Variants in ICA1 observed in about 807,000 individuals in gnomAD.
ICA1 encodes the protein 69 kDa islet cell autoantigen.
ICA1 carries 40 observed loss-of-function variants against 71.0 expected under a neutral mutation model. The ratio of observed to expected loss-of-function variants is 0.56; its 90% CI spans 0.44 to 0.73. The LOEUF (loss-of-function observed/expected upper bound fraction) is 0.73. ICA1 is among the 30% of genes least tolerant of loss of function. The pLI is 0.00. For missense variants in ICA1, 578 were observed against 576.5 expected (o/e 1.00, Z -0.03); for synonymous variants, 207 against 209.5 (o/e 0.99, Z 0.10).
chr7:8,237,505 T>C (rs766525693), intron 1 of ICA1, among the ~76,000 whole-genome samples: 2 of 152,182 alleles, frequency 1.3e-5, no homozygotes, highest in Non-Finnish European at 2.9e-5. Flanking sequence ...ATAGTAGTGC[T>C]AACAATATAC....
At chr7:8,186,186 G>A (rs1031155192) in intron 6 of ICA1, among the ~76,000 whole-genome samples, 15 of 152,194 alleles carry the variant, frequency 9.9e-5, no homozygotes, top group Admixed American at 2.0e-4. Context: ...AGGAGACAGG[G>A]AATCCTGGGA....
Position 8,163,775 on chromosome 7 carries a change from A to T in ICA1, c.580-5123T>A, listed in dbSNP as rs972628306. On this transcript the variant is annotated intron_variant, in intron 6 of 13. Transcript: ENST00000402384. ...CAGGTCCTAGAGCTGAGAGTAGGTC[A>T]GTGTAGCTGCGTTGCTCAGAACGAG... 2.0e-5 allele frequency among the ~76,000 whole-genome samples: 3 copies of T among 152,274 alleles called. No homozygotes were observed. The South Asian group carries it at 6.2e-4, about 32-fold the overall frequency.
intron 13 of ICA1, among the ~76,000 whole-genome samples, chr7:8,125,601 G>A (rs192347445): frequency 2.6e-4 from 39 of 152,170 alleles, no homozygotes; most frequent in African/African-American, 8.7e-4. Flanking sequence ...CCTACTATGC[G>A]ATTTGCTTAT....
intron 6 of ICA1, among the ~76,000 whole-genome samples, chr7:8,177,630 C>T (rs1021831563): frequency 6.6e-6 from 1 of 152,104 alleles, no homozygotes; most frequent in Non-Finnish European, 1.5e-5. Context: ...TTGCTTCTGT[C>T]TCTTGGCTGC....
intron 13 of ICA1, among the ~76,000 whole-genome samples, chr7:8,119,912 A>T (rs1786210565): frequency 1.3e-5 from 2 of 152,246 alleles, no homozygotes; most frequent in African/African-American, 4.8e-5. Flanking sequence ...GATTTAAAAG[A>T]TGATAATGGC....
At chr7:8,209,137 A>G (rs958811415) in intron 6 of ICA1, among the ~76,000 whole-genome samples, 1 of 152,230 alleles carries the variant, frequency 6.6e-6, no homozygotes, top group African/African-American at 2.4e-5. Context: ...ATGAGTTCAC[A>G]GATAATTCAC....
At chr7:8,117,257 C>T (rs1340626651) in intron 13 of ICA1, among the ~76,000 whole-genome samples, 2 of 152,158 alleles carry the variant, frequency 1.3e-5, no homozygotes, top group African/African-American at 4.8e-5. Context: ...TTGGGCAGTT[C>T]TTTATATTAA....
At chr7:8,177,445 C>G (rs1057180213) in intron 6 of ICA1, among the ~76,000 whole-genome samples, 2 of 152,122 alleles carry the variant, frequency 1.3e-5, no homozygotes, top group Non-Finnish European at 2.9e-5. Context: ...CAAGACTGAG[C>G]CCAGGGCACC....
At chr7:8,203,687 T>C (rs1417168028) in intron 6 of ICA1, among the ~76,000 whole-genome samples, 7 of 152,236 alleles carry the variant, frequency 4.6e-5, no homozygotes, top group African/African-American at 1.7e-4. Flanking sequence ...TGAGTTGAGA[T>C]GTTCTTCACT....
intron 1 of ICA1, among the ~76,000 whole-genome samples, chr7:8,255,779 C>CTTTTTTTTTTTTTTTTTTTT (rs573673718): frequency 2.3e-5 from 3 of 132,930 alleles, no homozygotes; most frequent in African/African-American, 9.1e-5. Flanking sequence ...ACTTCTTTCT[C>CTTTTTTTTTTTTTTTTTTTT]TTTTTTTTTT....
At chr7:8,174,258 G>C (rs926220303) in intron 6 of ICA1, among the ~76,000 whole-genome samples, 2 of 152,140 alleles carry the variant, frequency 1.3e-5, no homozygotes, top group African/African-American at 4.8e-5. Context: ...TCAACAAATA[G>C]AGAACATGAT....
chr7:8,228,286 A>T (rs1322350049), intron 4 of ICA1, among the ~76,000 whole-genome samples: 1 of 139,982 alleles, frequency 7.1e-6, no homozygotes, highest in African/African-American at 3.4e-5. Context: ...GAGAGTGAAG[A>T]TAATCACATT....
chr7:8,145,746 G>GTATA lies in ICA1; in HGVS notation c.805-1775_805-1774insTATA, dbSNP rs199855161. 3.6e-3 allele frequency among the ~76,000 whole-genome samples: 119 copies of GTATA among 33,516 alleles called. 4 individuals carry two copies. The highest frequency in any genetic ancestry group is 5.8e-3 in the African/African-American group (113 of 19,466). The allele number at this position is 33,516 out of a possible 152,430, so 22.0% of individuals were successfully genotyped here. ...CACTACTTGTATGATTGGAATCATT[G>GTATA]TGTATATATATATATATATATGTAT... On this transcript the variant is annotated intron_variant, in intron 8 of 13. Coordinates refer to ENST00000402384, the MANE Select transcript of ICA1 (RefSeq NM_001136020.3).
At chr7:8,250,658 C>T (rs1807853786) in intron 1 of ICA1, among the ~76,000 whole-genome samples, 1 of 152,152 alleles carries the variant, frequency 6.6e-6, no homozygotes, top group African/African-American at 2.4e-5. Context: ...TTAAATGGAT[C>T]CTGTTTCCAG....
At chr7:8,235,095 C>A (rs1335841572) in intron 2 of ICA1, among the ~76,000 whole-genome samples, 3 of 151,602 alleles carry the variant, frequency 2.0e-5, no homozygotes, top group African/African-American at 2.4e-5. Context: ...ACCAGGGAGG[C>A]GGAGGTTGCA....
chr7:8,145,591 G>T (rs777938002), intron 8 of ICA1, among the ~76,000 whole-genome samples: 1 of 151,624 alleles, frequency 6.6e-6, no homozygotes, highest in Admixed American at 6.6e-5. Context: ...TTTTGTCTCC[G>T]TAAAATATTT....
rs1779454027 is a variant in ICA1, at chr7:8,173,234, A to G, written c.580-14582T>C. 6.6e-6 allele frequency among the ~76,000 whole-genome samples: 1 copy of G among 152,186 alleles called. No homozygotes were observed. The highest frequency in any genetic ancestry group is 1.5e-5 in the Non-Finnish European group (1 of 68,024). On this transcript the variant is annotated intron_variant, in intron 6 of 13. Transcript: ENST00000402384. The surrounding 1 kb of genome is among the most constrained non-coding windows in gnomAD (Gnocchi z 4.0). ...ACTAGGGAAGGAAATACATAAGATG[A>G]TTCTGAAATATTCGGTTGTACCAGA... is the stretch of plus-strand genomic sequence containing the variant.
intron 6 of ICA1, among the ~76,000 whole-genome samples, chr7:8,197,834 C>A (rs1788227570): frequency 6.6e-6 from 1 of 151,958 alleles, no homozygotes; most frequent in Non-Finnish European, 1.5e-5. Flanking sequence ...ATGGAAAAAA[C>A]CTAAAAACTA....
At chr7:8,242,604 C>CA (rs201987823) in intron 1 of ICA1, among the ~76,000 whole-genome samples, 4,916 of 152,088 alleles carry the variant, frequency 0.032, 230 homozygotes, top group African/African-American at 0.11. Flanking sequence ...AAAAACCCTT[C>CA]AAAAAATCAA....
Sources: gnomAD v4.1 joint callset for allele counts (sites outside exome capture counted in the v4.1 genomes callset) on GRCh38, gnomAD v4.1.1 for gene constraint, Gnocchi (gnomAD v3.1) non-coding constraint, MANE v1.5 for transcripts, NCBI Gene and HGNC (gene_info 2026-07-23, HGNC 2026-07-21) for gene names.